GALNT10: variants seen among roughly 807,000 people sequenced by gnomAD.
The protein encoded by GALNT10 is polypeptide N-acetylgalactosaminyltransferase 10.
Under a neutral mutation model 75.0 loss-of-function variants are expected in GALNT10, and 41 were observed. The ratio of observed to expected loss-of-function variants is 0.55; its 90% CI spans 0.43 to 0.71. The LOEUF (loss-of-function observed/expected upper bound fraction) is 0.71, where lower values mean the gene tolerates loss of function less well. GALNT10 is among the 30% of genes least tolerant of loss of function. The pLI is 0.00. For missense variants in GALNT10, 727 were observed against 818.5 expected, an observed-to-expected ratio of 0.89 and a Z score of 1.36; for synonymous variants, 302 against 313.0, an observed-to-expected ratio of 0.96 and a Z score of 0.37.
intron 1 of GALNT10, chr5:154,287,330 C>T (rs534972758): frequency 6.6e-6 from 1 of 152,340 alleles, no homozygotes; most frequent in South Asian, 2.1e-4. Context: ...CCAAATCAGG[C>T]TCCTTGCCCT....
intron 1 of GALNT10, among the ~76,000 whole-genome samples, chr5:154,202,470 A>C (rs1775041923): frequency 6.6e-6 from 1 of 152,202 alleles, no homozygotes; most frequent in Non-Finnish European, 1.5e-5. Flanking sequence ...GTTCATCAGC[A>C]CTGTAATCCC....
At chr5:154,365,879 AC>A (rs1180421920) in intron 4 of GALNT10, among the ~76,000 whole-genome samples, 1 of 152,074 alleles carries the variant, frequency 6.6e-6, no homozygotes, top group Non-Finnish European at 1.5e-5. Context: ...GTCAGCTACC[AC>A]CCAAAACCAC....
intron 1 of GALNT10, among the ~76,000 whole-genome samples, chr5:154,265,033 T>A (rs184801927): frequency 1.1e-4 from 17 of 152,310 alleles, no homozygotes; most frequent in African/African-American, 3.8e-4. Context: ...TGACTTTCTT[T>A]ACCAGTCTCT....
chr5:154,195,074 C>T (rs188379898), intron 1 of GALNT10, among the ~76,000 whole-genome samples: 13 of 152,306 alleles, frequency 8.5e-5, no homozygotes, highest in African/African-American at 2.9e-4. Flanking sequence ...TCCAGTGACA[C>T]GGTAACAGAT....
chr5:154,190,813 A>AC lies in GALNT10; in HGVS notation c.-54_-53insC. On this transcript the variant is annotated 5_prime_UTR_variant, in exon 1 of 12. Transcript: ENST00000297107. ...GCCGGGCGGACGGGCGGACGCGCGG[A>AC]GCTGGGGGCGGCGCGGCGGGGCCGG... is the stretch of plus-strand genomic sequence containing the variant. 1.6e-5 allele frequency: 16 copies of AC among 981,764 alleles called. No individual in the cohort carries two copies. The highest frequency in any genetic ancestry group is 1.8e-5 in the African/African-American group (1 of 55,182). The allele number at this position is 981,764 out of a possible 1,614,324, so 60.8% of individuals were successfully genotyped here.
chr5:154,326,351 A>G (rs1460868601), intron 3 of GALNT10, among the ~76,000 whole-genome samples: 2 of 152,248 alleles, frequency 1.3e-5, no homozygotes, highest in East Asian at 3.8e-4. Context: ...AGGTCTTTAC[A>G]AAGTTAAAAA....
chr5:154,283,727 A>G (rs1185374074), intron 1 of GALNT10, among the ~76,000 whole-genome samples: 1 of 152,138 alleles, frequency 6.6e-6, no homozygotes, highest in Non-Finnish European at 1.5e-5. Flanking sequence ...TTGCTTCCCC[A>G]TGCCCCTACC....
chr5:154,332,259 A>G (rs1015145048), intron 4 of GALNT10, among the ~76,000 whole-genome samples: 3 of 152,194 alleles, frequency 2.0e-5, no homozygotes, highest in Admixed American at 2.0e-4. Flanking sequence ...TCCCTCAGGT[A>G]CGGGCTGCCT....
chr5:154,390,712 C>G (rs890141339), intron 7 of GALNT10, among the ~76,000 whole-genome samples: 5 of 152,276 alleles, frequency 3.3e-5, no homozygotes, highest in Admixed American at 2.0e-4. Flanking sequence ...CTTCAGAACC[C>G]CCACCATGGA....
chr5:154,318,535 T>G (rs779930826), intron 3 of GALNT10, among the ~76,000 whole-genome samples: 1 of 152,210 alleles, frequency 6.6e-6, no homozygotes, highest in Non-Finnish European at 1.5e-5. Flanking sequence ...CTTCTCTCTA[T>G]CTTGTTTCTT....
intron 1 of GALNT10, among the ~76,000 whole-genome samples, chr5:154,247,454 T>A (rs1292684721): frequency 6.6e-6 from 1 of 152,214 alleles, no homozygotes; most frequent in Non-Finnish European, 1.5e-5. Context: ...CATGGAATGT[T>A]CTTCTATTTG....
At chr5:154,242,571 G>A (rs1258408336) in intron 1 of GALNT10, among the ~76,000 whole-genome samples, 1 of 152,144 alleles carries the variant, frequency 6.6e-6, no homozygotes, top group Non-Finnish European at 1.5e-5. Flanking sequence ...CCTGGAGAGG[G>A]TCCCAGTGGC....
At chr5:154,286,379 C>T (rs2443528) in intron 1 of GALNT10, among the ~76,000 whole-genome samples, 69,416 of 146,318 alleles carry the variant, frequency 0.47, 17,057 homozygotes, top group East Asian at 0.85. Context: ...TGATCAGAGT[C>T]GATTTGTTTT....
intron 1 of GALNT10, among the ~76,000 whole-genome samples, chr5:154,205,921 C>T (rs1297707150): frequency 6.6e-6 from 1 of 152,168 alleles, no homozygotes; most frequent in African/African-American, 2.4e-5. Context: ...AACTGTGACG[C>T]AATAAATTTC....
chr5:154,363,379 T>C (rs186687601), intron 4 of GALNT10, among the ~76,000 whole-genome samples: 2 of 151,420 alleles, frequency 1.3e-5, no homozygotes, highest in Admixed American at 1.3e-4. Context: ...ATATCCAGAA[T>C]ATTTTATGTC....
chr5:154,324,288 G>A (rs780836827), intron 3 of GALNT10, among the ~76,000 whole-genome samples: 6 of 152,166 alleles, frequency 3.9e-5, no homozygotes, highest in Non-Finnish European at 8.8e-5. Context: ...CTTCCCACTG[G>A]GAATTGCCCT....
intron 4 of GALNT10, among the ~76,000 whole-genome samples, chr5:154,369,874 T>C (rs1288430353): frequency 9.2e-5 from 14 of 152,162 alleles, no homozygotes; most frequent in Non-Finnish European, 1.5e-5. Context: ...CCTCCTCTTC[T>C]TCCCTCTTGG....
intron 3 of GALNT10, among the ~76,000 whole-genome samples, chr5:154,302,927 A>G (rs1754381561): frequency 6.6e-6 from 1 of 152,220 alleles, no homozygotes; most frequent in African/African-American, 2.4e-5. Flanking sequence ...GTTATCACCT[A>G]TTACCTTTGA....
chr5:154,319,420 GA>G (rs1267053376), intron 3 of GALNT10, among the ~76,000 whole-genome samples: 1 of 152,114 alleles, frequency 6.6e-6, no homozygotes, highest in East Asian at 1.9e-4. Context: ...GATCACTTTT[GA>G]AATTTTTAAA....
Sources: allele counts gnomAD v4.1 joint callset (sites outside exome capture counted in the v4.1 genomes callset), GRCh38; gene constraint gnomAD v4.1.1; transcripts MANE v1.5; gene names NCBI Gene and HGNC (gene_info 2026-07-23, HGNC 2026-07-21).